TCF20: variants seen among roughly 807,000 people sequenced by gnomAD.
TCF20 encodes the protein transcription factor 20.
TCF20 carries 3 observed loss-of-function variants against 148.6 expected under a neutral mutation model. The observed-to-expected ratio is 0.02, with a 90% CI of 0.01 to 0.05. The LOEUF (loss-of-function observed/expected upper bound fraction) is 0.05, where lower values mean the gene tolerates loss of function less well. Ranked by LOEUF, TCF20 falls within the 10% of genes least tolerant of loss-of-function variation. TCF20 has a pLI of 1.00. For missense variants in TCF20, 2,350 were observed against 2,429.3 expected (o/e 0.97, Z 0.69); for synonymous variants, 1,049 against 909.5 (o/e 1.15, Z -2.76).
intron 1 of TCF20, among the ~76,000 whole-genome samples, chr22:42,340,472 C>T (rs1309513533): frequency 6.6e-6 from 1 of 152,184 alleles, no homozygotes; most frequent in Non-Finnish European, 1.5e-5. Flanking sequence ...TCAGCCATCA[C>T]CAGACAAGAA....
chr22:42,185,072 G>T (rs192398599), intron 2 of TCF20, among the ~76,000 whole-genome samples: 8 of 152,282 alleles, frequency 5.3e-5, no homozygotes, highest in South Asian at 4.1e-4. Context: ...TCACAGAAAG[G>T]CTCTTTCTTA....
At chr22:42,339,672 C>A (rs1473426148) in intron 1 of TCF20, among the ~76,000 whole-genome samples, 1 of 152,236 alleles carries the variant, frequency 6.6e-6, no homozygotes. Context: ...GAACCACATG[C>A]CTTAGAGAGT....
chr22:42,316,934 G>A (rs1372502318), intron 1 of TCF20, among the ~76,000 whole-genome samples: 2 of 152,172 alleles, frequency 1.3e-5, no homozygotes, highest in South Asian at 2.1e-4. Context: ...CCAAGTGCCA[G>A]GCGTCTTTTC....
intron 1 of TCF20, among the ~76,000 whole-genome samples, chr22:42,254,732 C>A (rs1487205776): frequency 1.3e-5 from 2 of 152,122 alleles, no homozygotes; most frequent in Non-Finnish European, 2.9e-5. Flanking sequence ...TTTGAGAGGC[C>A]GTGACAGGCA....
At position 42,279,955 on chromosome 22, in the gene TCF20, G is replaced by A. The variant is rs775384285; in HGVS notation, c.-37+3872C>T. On this transcript the variant is annotated intron_variant, in intron 1 of 5. Coordinates refer to the TCF20 transcript ENST00000359486. This position sits in a 1 kb window ranked among gnomAD's most constrained non-coding sequence, Gnocchi z 4.3. The stretch of plus-strand genomic sequence containing the variant: ...TGTCTATGGGGCTCTTGTGCCCTCT[G>A]GGGGCCTCTGGGGAGCTGCTACTGG... 9.1e-5 allele frequency among the ~76,000 whole-genome samples: 6 copies of A among 65,952 alleles called. No individual in the cohort carries two copies. The highest frequency in any genetic ancestry group is 1.9e-4 in the Non-Finnish European group (4 of 20,900). The allele number at this position is 65,952 out of a possible 152,430, so 43.3% of individuals were successfully genotyped here.
intron 1 of TCF20, among the ~76,000 whole-genome samples, chr22:42,339,942 G>A (rs372355579): frequency 6.6e-6 from 1 of 152,198 alleles, no homozygotes; most frequent in South Asian, 2.1e-4. Flanking sequence ...ATGGGCCTGG[G>A]AAGGGGGCCT....
chr22:42,283,585 C>T (rs1051897475), intron 1 of TCF20, among the ~76,000 whole-genome samples: 1 of 152,068 alleles, frequency 6.6e-6, no homozygotes, highest in South Asian at 2.1e-4. Flanking sequence ...CTCCATCGCT[C>T]TTTATGGCAG....
chr22:42,313,235 C>G (rs1927567971), intron 1 of TCF20, among the ~76,000 whole-genome samples: 1 of 152,186 alleles, frequency 6.6e-6, no homozygotes, highest in Non-Finnish European at 1.5e-5. Flanking sequence ...TGCAGGCGAA[C>G]CCCCTGGTGC....
intron 1 of TCF20, among the ~76,000 whole-genome samples, chr22:42,253,682 A>G (rs866873482): frequency 1.2e-4 from 18 of 152,346 alleles, no homozygotes; most frequent in African/African-American, 4.3e-4. Flanking sequence ...CAGTAGAGTG[A>G]ACTGGCATTC....
chr22:42,184,826 G>C (rs1219516469), intron 2 of TCF20, among the ~76,000 whole-genome samples: 2 of 152,130 alleles, frequency 1.3e-5, no homozygotes, highest in African/African-American at 4.8e-5. Context: ...CACATTTTTT[G>C]ATACTCTAAA....
chr22:42,247,439 CAAAA>C (rs58249230), intron 1 of TCF20, among the ~76,000 whole-genome samples: 1 of 87,392 alleles, frequency 1.1e-5, no homozygotes. Context: ...GACTCCATCT[CAAAA>C]AAAAAAAAAA....
intron 1 of TCF20, among the ~76,000 whole-genome samples, chr22:42,252,081 G>A (rs987683967): frequency 6.6e-6 from 1 of 150,786 alleles, no homozygotes; most frequent in Non-Finnish European, 1.5e-5. Flanking sequence ...ACCAGCCTGG[G>A]CAACATGGCG....
intron 2 of TCF20, among the ~76,000 whole-genome samples, chr22:42,194,575 T>C (rs1937501665): frequency 1.3e-5 from 2 of 151,192 alleles, no homozygotes; most frequent in African/African-American, 4.9e-5. Context: ...TACTAATGAC[T>C]CTGCTTCTGC....
At chr22:42,221,281 C>T (rs937428243) in intron 1 of TCF20, among the ~76,000 whole-genome samples, 3 of 152,206 alleles carry the variant, frequency 2.0e-5, no homozygotes, top group Non-Finnish European at 4.4e-5. Flanking sequence ...CATCAGGAAC[C>T]TTCCCAATTC....
intron 1 of TCF20, among the ~76,000 whole-genome samples, chr22:42,316,430 C>A (rs1249935587): frequency 6.6e-6 from 1 of 152,132 alleles, no homozygotes. Flanking sequence ...CAGGGGCACA[C>A]CACACATACT....
intron 1 of TCF20, among the ~76,000 whole-genome samples, chr22:42,247,826 C>CT (rs1222328082): frequency 2.0e-5 from 3 of 152,112 alleles, no homozygotes; most frequent in Admixed American, 6.6e-5. Context: ...CTTGACCTGT[C>CT]TCCTACTTGA....
At chr22:42,208,108 T>C (rs907780192) in intron 2 of TCF20, among the ~76,000 whole-genome samples, 4 of 151,356 alleles carry the variant, frequency 2.6e-5, no homozygotes, top group African/African-American at 9.7e-5. Flanking sequence ...AGCCCAGTGG[T>C]TGGAGGCTGC....
At chr22:42,222,346 A>C (rs55979692) in intron 1 of TCF20, among the ~76,000 whole-genome samples, 8,829 of 152,236 alleles carry the variant, frequency 0.058, 360 homozygotes, top group Non-Finnish European at 0.091. Flanking sequence ...CCTCATCATG[A>C]CACTACTCTC....
intron 2 of TCF20, among the ~76,000 whole-genome samples, chr22:42,202,333 A>G (rs138123246): frequency 1.1e-4 from 16 of 152,376 alleles, no homozygotes; most frequent in African/African-American, 3.8e-4. Context: ...TGCTCTAAGC[A>G]CTTTCCAAAG....
Sources: gnomAD v4.1 joint callset for allele counts (sites outside exome capture counted in the v4.1 genomes callset) on GRCh38, gnomAD v4.1.1 for gene constraint, Gnocchi (gnomAD v3.1) non-coding constraint, MANE v1.5 for transcripts, NCBI Gene and HGNC (gene_info 2026-07-23, HGNC 2026-07-21) for gene names.